The following GINS2 variants were observed in gnomAD, a reference collection of about 807,000 sequenced individuals.
The protein encoded by GINS2 is DNA replication complex GINS protein PSF2.
A neutral mutation model predicts 21.2 loss-of-function variants in GINS2; 23 were observed. The ratio of observed to expected loss-of-function variants is 1.08; its 90% CI spans 0.78 to 1.53. The LOEUF (loss-of-function observed/expected upper bound fraction) is 1.53. Ranked by LOEUF, GINS2 falls within the 40% of genes most tolerant of loss-of-function variation. GINS2 has a pLI of 0.00. For synonymous variants in GINS2, 118 were observed against 85.6 expected (o/e 1.38, Z -2.09); for missense variants, 323 against 233.9 (o/e 1.38, Z -2.49).
At chr16:85,681,781 T>A (rs910007738) in intron 2 of GINS2, 100 bp from the exon 3 acceptor site, 3 of 687,794 alleles carry the variant, frequency 4.4e-6, no homozygotes, top group Admixed American at 5.7e-5. Flanking sequence ...GCAAATACAT[T>A]ATCAACTAGC....
intron 2 of GINS2, among the ~76,000 whole-genome samples, chr16:85,683,705 GT>G (rs1359507025): frequency 6.6e-6 from 1 of 152,216 alleles, no homozygotes; most frequent in African/African-American, 2.4e-5. Flanking sequence ...GCCACTCTCA[GT>G]GCTTGCCTGG....
intron 2 of GINS2, among the ~76,000 whole-genome samples, chr16:85,685,555 C>CA (rs2053767232): frequency 6.6e-6 from 1 of 150,816 alleles, no homozygotes; most frequent in African/African-American, 2.4e-5. Flanking sequence ...CCTGTAGTCT[C>CA]AGCTACTCCG....
At chr16:85,679,036 G>C (rs564058157) in intron 3 of GINS2, among the ~76,000 whole-genome samples, 67 of 152,308 alleles carry the variant, frequency 4.4e-4, no homozygotes, top group African/African-American at 1.6e-3. Flanking sequence ...CAAAGGTCGA[G>C]TTCTATTGCT....
intron 2 of GINS2, among the ~76,000 whole-genome samples, chr16:85,684,961 T>C (rs928610416): frequency 2.0e-5 from 3 of 152,024 alleles, no homozygotes; most frequent in Admixed American, 6.6e-5. Context: ...CTAATTTTTG[T>C]ATTTTTTAGT....
rs1298566758 is a variant in GINS2, at chr16:85,678,107, A to AT, written c.*104dup. On this transcript the variant is annotated 3_prime_UTR_variant, in exon 5 of 5. Coordinates refer to ENST00000253462, the MANE Select transcript of GINS2 (RefSeq NM_016095.3). ...GAATCCATTCCTTGCACCATCACAC[A>AT]TTTTTCATGCATCAGAAGTGTTTCT... The AT allele has an allele frequency of 1.4e-5, 14 of 979,450 alleles. No homozygotes were observed. Among genetic ancestry groups the AT allele is most frequent in the Admixed American group, 4.6e-5 (2 of 43,786 alleles). 60.7% of individuals were successfully genotyped at this position (979,450 alleles called of 1,614,324 possible).
Position 85,688,872 on chromosome 16 carries a change from G to C in GINS2, c.27C>G (p.Leu9=). 1 of 1,542,070 alleles carries C rather than the reference G, an allele frequency of 6.5e-7. No homozygotes were observed. The highest frequency in any genetic ancestry group is 8.8e-7 in the Non-Finnish European group (1 of 1,142,396). ...TAATGGTAACCAGCTCCTTCTCGGC[G>C]AGGAATTCGACCTCGGCAGCGTCCA... MDAAEVEF[L]AEKELVTIIP... is the part of the protein sequence containing the mutation. The change falls in exon 1 of 5, where the codon CTC becomes CTG. Residue 9 remains leucine, a synonymous_variant. Coordinates refer to ENST00000253462, the MANE Select transcript of GINS2 (RefSeq NM_016095.3).
rs767969265 is a variant in GINS2, at chr16:85,681,682, C to T, written c.206-1G>A. ...TGATCCCTCATCTTCTCCAACTTTTCTGAAATTTAGAAGTTAATACATTTT... is the reference window on the plus strand; with the variant it reads ...TGATCCCTCATCTTCTCCAACTTTTTTGAAATTTAGAAGTTAATACATTTT... On this transcript the variant is annotated splice_acceptor_variant, in intron 2 of 4. Transcript: ENST00000253462. LOFTEE classifies it high-confidence loss of function. 1 of 1,584,056 alleles carries T rather than the reference C, an allele frequency of 6.3e-7. No homozygotes were observed. The highest frequency in any genetic ancestry group is 8.7e-7 in the Non-Finnish European group (1 of 1,153,602).
intron 1 of GINS2, among the ~76,000 whole-genome samples, chr16:85,688,436 C>A (rs537876729): frequency 1.3e-5 from 2 of 152,132 alleles, no homozygotes; most frequent in Admixed American, 6.5e-5. Flanking sequence ...ACAGCAGCTA[C>A]TCAGGAGGCT....
At chr16:85,686,644 T>C (rs1230416975) in intron 2 of GINS2, among the ~76,000 whole-genome samples, 1 of 152,184 alleles carries the variant, frequency 6.6e-6, no homozygotes, top group African/African-American at 2.4e-5. Context: ...ATTTGCCTAT[T>C]CTAGACAGTT....
intron 2 of GINS2, among the ~76,000 whole-genome samples, chr16:85,685,334 G>C (rs1175566946): frequency 2.0e-5 from 3 of 152,090 alleles, no homozygotes; most frequent in Non-Finnish European, 4.4e-5. Context: ...AAGGGGCCTG[G>C]AGAGGATGCT....
chr16:85,682,055 G>T (rs1484723404), intron 2 of GINS2, among the ~76,000 whole-genome samples: 1 of 108,416 alleles, frequency 9.2e-6, no homozygotes, highest in Non-Finnish European at 1.7e-5. Flanking sequence ...TTTTGAGAGG[G>T]TCTCTCTCAT....
At chr16:85,688,606 G>A in intron 1 of GINS2, among the ~76,000 whole-genome samples, 1 of 152,192 alleles carries the variant, frequency 6.6e-6, no homozygotes, top group East Asian at 1.9e-4. Context: ...TGTAAACCCG[G>A]GCGTTCGGGG....
intron 2 of GINS2, among the ~76,000 whole-genome samples, chr16:85,684,260 G>A (rs112279733): frequency 0.04 from 6,035 of 152,234 alleles, 335 homozygotes; most frequent in East Asian, 0.17. Flanking sequence ...CTTGAGCCCA[G>A]GAGGTGGAGG....
intron 3 of GINS2, among the ~76,000 whole-genome samples, chr16:85,679,336 G>C (rs919984012): frequency 6.6e-6 from 1 of 152,180 alleles, no homozygotes; most frequent in African/African-American, 2.4e-5. Flanking sequence ...ATGAAGGAAG[G>C]CTTTCACAAA....
In GINS2 at chr16:85,678,000, G is replaced by C. The variant is rs1179214218; in HGVS notation, c.*212C>G. ...TGGGGGGAAAAAGGGCTGGTTTCTA[G>C]AAACAGATGTGGAATTGAAGAATGT... On this transcript the variant is annotated 3_prime_UTR_variant, in exon 5 of 5. Coordinates refer to ENST00000253462, the MANE Select transcript of GINS2 (RefSeq NM_016095.3). The C allele has an allele frequency of 2.1e-6, 1 of 486,938 alleles. No individual in the cohort carries two copies. The highest frequency in any genetic ancestry group is 3.6e-6 in the Non-Finnish European group (1 of 275,564). 30.2% of individuals were successfully genotyped at this position (486,938 alleles called of 1,614,324 possible).
rs1425690791 is a variant in GINS2, at chr16:85,678,057, A to C, written c.*155T>G. 8 of 685,322 alleles carry C rather than the reference A, an allele frequency of 1.2e-5. No individual in the cohort carries two copies. The Admixed American group carries it at 2.1e-4, about 18-fold the overall frequency. 42.5% of individuals were successfully genotyped at this position (685,322 alleles called of 1,614,324 possible). A position where few individuals can be genotyped will look rare whatever the true frequency, so the allele number is the denominator to read the frequency against. Reference sequence around the variant, plus strand: ...GAGCTAAGTTTTAAGGACTAATCACAAACTTGTTTCTCCAACAACATCCTG... The same window carrying C: ...GAGCTAAGTTTTAAGGACTAATCACCAACTTGTTTCTCCAACAACATCCTG... On this transcript the variant is annotated 3_prime_UTR_variant, in exon 5 of 5. Coordinates refer to ENST00000253462, the MANE Select transcript of GINS2 (RefSeq NM_016095.3).
chr16:85,683,821 C>G (rs577902898), intron 2 of GINS2, among the ~76,000 whole-genome samples: 1 of 152,286 alleles, frequency 6.6e-6, no homozygotes, highest in African/African-American at 2.4e-5. Flanking sequence ...AACTTTCTAG[C>G]AAATAAAAAA....
chr16:85,685,685 A>AAAAAACAAAAAAAAAAAAAAAAAAC (rs1555579590), intron 2 of GINS2, among the ~76,000 whole-genome samples: 2 of 120,900 alleles, frequency 1.7e-5, no homozygotes, highest in Non-Finnish European at 3.9e-5. Context: ...AAAAAAAAAA[A>AAAAAACAAAAAAAAAAAAAAAAAAC]AAAAAACCGT....
intron 2 of GINS2, among the ~76,000 whole-genome samples, chr16:85,686,280 T>C (rs2053776523): frequency 6.6e-6 from 1 of 152,108 alleles, no homozygotes; most frequent in African/African-American, 2.4e-5. Context: ...TAGCCGAGCG[T>C]GGTAGCGGGC....
Sources: allele counts gnomAD v4.1 joint callset (sites outside exome capture counted in the v4.1 genomes callset), GRCh38; gene constraint gnomAD v4.1.1; transcripts MANE v1.5; gene names NCBI Gene and HGNC (gene_info 2026-07-23, HGNC 2026-07-21).